Variants in PCDHA7 observed in about 807,000 individuals in gnomAD.
The protein encoded by PCDHA7 is protocadherin alpha-7.
In PCDHA7, 37 loss-of-function variants were observed where a neutral mutation model predicts 57.2. That is an observed-to-expected ratio of 0.65 (90% confidence interval 0.50 to 0.85). The LOEUF is 0.85. Among genes scored for constraint, PCDHA7 ranks in the 40% least tolerant of loss-of-function variants. The pLI is 0.00. For missense variants in PCDHA7, 1,188 were observed against 1,241.8 expected, an observed-to-expected ratio of 0.96 and a Z score of 0.65; for synonymous variants, 553 against 558.8, an observed-to-expected ratio of 0.99 and a Z score of 0.15.
At chr5:140,949,042 G>A (rs2094338452) in intron 1 of PCDHA7, among the ~76,000 whole-genome samples, 2 of 151,644 alleles carry the variant, frequency 1.3e-5, no homozygotes, top group African/African-American at 2.4e-5. Flanking sequence ...TTAAAAGTAT[G>A]TTCTAATTTC....
intron 3 of PCDHA7, among the ~76,000 whole-genome samples, chr5:140,989,792 C>T (rs1324674581): frequency 6.6e-6 from 1 of 152,142 alleles, no homozygotes; most frequent in African/African-American, 2.4e-5. Flanking sequence ...CTAGAGGCCC[C>T]CAGGAAAGGG....
intron 1 of PCDHA7, chr5:140,849,831 G>A (rs2041164266): frequency 6.3e-7 from 1 of 1,598,450 alleles, no homozygotes; most frequent in African/African-American, 1.3e-5. Context: ...TGTGGAGGTG[G>A]CCGACGTGAA....
At position 140,978,795 on chromosome 5, in the gene PCDHA7, G is replaced by A. The variant is rs1437973642; in HGVS notation, c.2356-154G>A. 3 of 979,120 alleles carry A rather than the reference G, an allele frequency of 3.1e-6. No individual in the cohort carries two copies. The African/African-American group carries it at 5.3e-5, about 17-fold the overall frequency. The allele number at this position is 979,120 out of a possible 1,614,324, so 60.7% of individuals were successfully genotyped here. On this transcript the variant is annotated intron_variant, in intron 1 of 3. Coordinates refer to ENST00000525929, the MANE Select transcript of PCDHA7 (RefSeq NM_018910.3). ...AATTTTCTTCTAAAGTGCTATATAT[G>A]TAGATATCATCATAGAGTTACACAT...
chr5:140,967,278 G>A (rs2096121968), intron 1 of PCDHA7: 1 of 1,613,290 alleles, frequency 6.2e-7, no homozygotes. Flanking sequence ...CACATAGAGA[G>A]TGCGCAGGAC....
At chr5:140,998,300 G>C (rs1287043977) in intron 3 of PCDHA7, among the ~76,000 whole-genome samples, 1 of 152,194 alleles carries the variant, frequency 6.6e-6, no homozygotes, top group Non-Finnish European at 1.5e-5. Context: ...CACACATTTA[G>C]TAAGGGCACC....
intron 3 of PCDHA7, among the ~76,000 whole-genome samples, chr5:140,999,452 G>A (rs141442204): frequency 6.4e-4 from 97 of 152,234 alleles, no homozygotes; most frequent in African/African-American, 2.1e-3. Flanking sequence ...TTCGTTCAAC[G>A]AATAAGTGGT....
intron 1 of PCDHA7, among the ~76,000 whole-genome samples, chr5:140,934,465 A>G (rs1313806464): frequency 1.3e-5 from 2 of 152,152 alleles, no homozygotes; most frequent in African/African-American, 4.8e-5. Context: ...ATGTTTTAAC[A>G]TTATTTTGAA....
chr5:140,914,915 T>G (rs1037949691), intron 1 of PCDHA7, among the ~76,000 whole-genome samples: 8 of 151,746 alleles, frequency 5.3e-5, no homozygotes, highest in Non-Finnish European at 1.0e-4. Context: ...TTTCTCTGTG[T>G]CTTATTGTAC....
chr5:140,987,213 C>CA (rs58319157), intron 3 of PCDHA7, among the ~76,000 whole-genome samples: 3,048 of 118,770 alleles, frequency 0.026, 41 homozygotes, highest in Middle Eastern at 0.12. Flanking sequence ...GACTCCATCT[C>CA]AAAAAAAAAA....
At chr5:140,843,025 T>G in intron 1 of PCDHA7, 1 of 1,595,056 alleles carries the variant, frequency 6.3e-7, no homozygotes. Context: ...TGCTGGAGCC[T>G]CGGGTGGGTG....
At chr5:140,989,810 AT>A (rs2097361628) in intron 3 of PCDHA7, among the ~76,000 whole-genome samples, 1 of 152,192 alleles carries the variant, frequency 6.6e-6, no homozygotes, top group Non-Finnish European at 1.5e-5. Context: ...GGGCCATAAG[AT>A]TGGTCACTGC....
At chr5:140,963,437 A>G (rs1218824827) in intron 1 of PCDHA7, among the ~76,000 whole-genome samples, 2 of 152,144 alleles carry the variant, frequency 1.3e-5, no homozygotes, top group African/African-American at 4.8e-5. Context: ...CTAACTTCAT[A>G]CTCTGTTGCT....
At chr5:140,941,634 T>G (rs2093133728) in intron 1 of PCDHA7, among the ~76,000 whole-genome samples, 1 of 152,074 alleles carries the variant, frequency 6.6e-6, no homozygotes, top group South Asian at 2.1e-4. Context: ...TCTTAATTTC[T>G]GTCTTCCTAC....
At chr5:140,855,706 TCAA>T (rs1176313933) in intron 1 of PCDHA7, among the ~76,000 whole-genome samples, 1 of 149,608 alleles carries the variant, frequency 6.7e-6, no homozygotes, top group African/African-American at 2.5e-5. Context: ...GCACGTGGGA[TCAA>T]CATTTATTGT....
intron 1 of PCDHA7, among the ~76,000 whole-genome samples, chr5:140,937,861 G>A (rs1159207693): frequency 6.6e-6 from 1 of 150,994 alleles, no homozygotes; most frequent in African/African-American, 2.4e-5. Context: ...GGAGTGAGCC[G>A]AGATCGCGCC....
At chr5:140,976,688 G>T (rs1343503965) in intron 1 of PCDHA7, among the ~76,000 whole-genome samples, 2 of 152,118 alleles carry the variant, frequency 1.3e-5, no homozygotes, top group East Asian at 3.8e-4. Context: ...TGCAATTTAA[G>T]TACAATAATG....
chr5:140,902,855 G>A lies in PCDHA7; in HGVS notation c.2355+66117G>A, dbSNP rs137957286. On this transcript the variant is annotated intron_variant, in intron 1 of 3. Coordinates refer to ENST00000525929, the MANE Select transcript of PCDHA7 (RefSeq NM_018910.3). ...GAGTTACTTCACTTAGAAAAATGGC[G>A]TCCAGGTCCACCCAAGCTGCTGCAA... is the stretch of plus-strand genomic sequence containing the variant. Among the ~76,000 whole-genome samples, 742 of 152,204 alleles carry A rather than the reference G, an allele frequency of 4.9e-3. 1 individual carries two copies. The highest frequency in any genetic ancestry group is 7.5e-3 in the Admixed American group (115 of 15,274).
At chr5:140,909,927 TCA>T (rs781847647) in intron 1 of PCDHA7, among the ~76,000 whole-genome samples, 6 of 152,150 alleles carry the variant, frequency 3.9e-5, no homozygotes, top group African/African-American at 9.7e-5. Flanking sequence ...CTTTCCCCAA[TCA>T]CAGTTACTCT....
At chr5:140,915,831 G>T (rs1326644343) in intron 1 of PCDHA7, among the ~76,000 whole-genome samples, 1 of 152,168 alleles carries the variant, frequency 6.6e-6, no homozygotes, top group Non-Finnish European at 1.5e-5. Flanking sequence ...AGGGCTCTAA[G>T]ATCAGCAGGG....
Sources: gnomAD v4.1 joint callset for allele counts (sites outside exome capture counted in the v4.1 genomes callset) on GRCh38, gnomAD v4.1.1 for gene constraint, MANE v1.5 for transcripts, NCBI Gene and HGNC (gene_info 2026-07-23, HGNC 2026-07-21) for gene names.